BCORL1: variants seen among roughly 807,000 people sequenced by gnomAD.
BCORL1 encodes BCL6 corepressor like 1, also known as BCL-6 corepressor-like protein 1.
Under a neutral mutation model 87.6 loss-of-function variants are expected in BCORL1, and 7 were observed. The observed-to-expected ratio is 0.08, with a 90% CI of 0.05 to 0.15. BCORL1 has a LOEUF of 0.15. Ranked by LOEUF, BCORL1 falls within the 10% of genes least tolerant of loss-of-function variation. The probability of loss-of-function intolerance (pLI) is 1.00; values close to 1 mark genes in which losing one functional copy is unlikely to be tolerated. For synonymous variants in BCORL1, 591 were observed against 634.4 expected (o/e 0.93, Z 1.03); for missense variants, 1,215 against 1,499.7 (o/e 0.81, Z 3.13).
At chrX:130,040,902 G>A (rs1473505514) in intron 11 of BCORL1, among the ~76,000 whole-genome samples, 3 of 111,162 alleles carry the variant, frequency 2.7e-5, no homozygotes, top group Non-Finnish European at 5.7e-5. Context: ...TTGAGAAACC[G>A]GTCTAGTCCC....
intron 8 of BCORL1, among the ~76,000 whole-genome samples, chrX:130,031,111 C>T (rs1449236673): frequency 4.4e-5 from 5 of 113,162 alleles, no homozygotes; most frequent in African/African-American, 1.6e-4. Context: ...CAACTTGCCT[C>T]GCTGCTGCTC....
rs1456548216 is a variant in BCORL1, at chrX:129,991,450, T to A, written c.-45+8688T>A. On this transcript the variant is annotated intron_variant, in intron 1 of 13. Transcript: ENST00000540052. ...ATTTATTTTTGAGACAGGGTCTGGC[T>A]CTGTTGCCTCAGCCTCCTGAGTAGC... is the stretch of plus-strand genomic sequence containing the variant. Among the ~76,000 whole-genome samples, 3 of 109,472 alleles carry A rather than the reference T, an allele frequency of 2.7e-5. No homozygotes were observed. In the East Asian group the frequency reaches 8.6e-4, roughly 31 times the overall value.
At chrX:130,033,918 G>T (rs1331791783) in intron 8 of BCORL1, among the ~76,000 whole-genome samples, 1 of 110,786 alleles carries the variant, frequency 9.0e-6, no homozygotes, top group African/African-American at 3.3e-5. Flanking sequence ...GGAGGCAGAG[G>T]TTGCAGTGAG....
At chrX:130,053,978 A>G (rs766053181) in intron 13 of BCORL1, among the ~76,000 whole-genome samples, 1 of 111,830 alleles carries the variant, frequency 8.9e-6, no homozygotes, top group East Asian at 2.8e-4. Flanking sequence ...GAAATGTTCC[A>G]TTTTAGGGAT....
chrX:130,028,632 C>G lies in BCORL1; in HGVS notation c.4079-3C>G, dbSNP rs1276063003. On this transcript the variant is annotated splice_region_variant and splice_polypyrimidine_tract_variant and intron_variant, in intron 7 of 13. Transcript: ENST00000540052. Reference sequence around the variant, plus strand: ...CCGTTCTTTTCCTGTTTCTTGCCTTCAGATTTAAAGGCCCGTAAGCAGAAG... The same window carrying G: ...CCGTTCTTTTCCTGTTTCTTGCCTTGAGATTTAAAGGCCCGTAAGCAGAAG... The G allele has an allele frequency of 8.3e-7, 1 of 1,199,368 alleles. No individual in the cohort carries two copies. The highest frequency in any genetic ancestry group is 2.2e-5 in the Admixed American group (1 of 45,397).
At chrX:130,044,151 G>A (rs942819481) in intron 11 of BCORL1, among the ~76,000 whole-genome samples, 1 of 109,601 alleles carries the variant, frequency 9.1e-6, no homozygotes, top group Non-Finnish European at 1.9e-5. Context: ...TGATCTACCC[G>A]CCTCAGCCTC....
rs1048092480 is a variant in BCORL1 at position 130,034,509 on chromosome X, G to T, written c.4360G>T (p.Val1454Leu). The change falls in exon 9 of 14, where the codon GTG becomes TTG. Residue 1454 changes from valine (V) to leucine (L), a missense_variant. Physicochemically the swap from Val to Leu is conservative, Grantham distance 32. This residue lies in a region of BCORL1 where 166 missense variants were observed against 196.5 expected (regional missense o/e 0.84). Coordinates refer to ENST00000540052, the MANE Select transcript of BCORL1 (RefSeq NM_001379451.1). ...ACGATCTCCCAAATCTCCCACCCCA[G>T]TGAAACCCACAGAACCATGTACACC... ...KTRSPKSPTPVKPTEPCTPSK... is the reference protein window; with the variant it reads ...KTRSPKSPTPLKPTEPCTPSK... The T allele has an allele frequency of 1.0e-6, 1 of 983,218 alleles. No homozygotes were observed. The allele number at this position is 983,218 out of a possible 1,213,427, so 81.0% of individuals were successfully genotyped here. A position where few individuals can be genotyped will look rare whatever the true frequency, so the allele number is the denominator to read the frequency against.
Position 130,025,356 on chromosome X carries a change from A to C in BCORL1, c.4055A>C (p.Glu1352Ala). The C allele has an allele frequency of 8.7e-7, 1 of 1,152,033 alleles. No homozygotes were observed. The highest frequency in any genetic ancestry group is 1.2e-6 in the Non-Finnish European group (1 of 867,604). 94.9% of individuals were successfully genotyped at this position (1,152,033 alleles called of 1,213,427 possible). The change falls in exon 7 of 14, where the codon GAG becomes GCG. Residue 1352 changes from glutamate to alanine, a missense_variant. Physicochemically the swap from Glu to Ala is moderately radical, Grantham distance 107. Coordinates refer to ENST00000540052, the MANE Select transcript of BCORL1 (RefSeq NM_001379451.1). The part of the protein sequence containing the change: ...TGEYLTEQED[E>A]QRRKGRADLK... ...GAGTACCTGACAGAGCAAGAAGACG[A>C]GCAGCGGCGGAAAGGGAGAGCAGGT...
chrX:130,041,362 C>T lies in BCORL1; in HGVS notation c.4840+2080C>T, dbSNP rs746812346. ...TCTTTCTGTCTCCTCATCCCAACTA[C>T]TAGCTATCTTTTGGTTTTGTTTTGT... On this transcript the variant is annotated intron_variant, in intron 11 of 13. Transcript: ENST00000540052. Among the ~76,000 whole-genome samples the T allele has an allele frequency of 6.4e-5, 7 of 108,888 alleles. No homozygotes were observed. In the East Asian group the frequency reaches 2.0e-3, roughly 31 times the overall value. The allele number at this position is 108,888 out of a possible 115,157, so 94.6% of individuals were successfully genotyped here.
At chrX:130,001,774 A>G (rs746155779) in intron 1 of BCORL1, among the ~76,000 whole-genome samples, 6 of 110,295 alleles carry the variant, frequency 5.4e-5, no homozygotes, top group Admixed American at 4.9e-4. Flanking sequence ...GTTTGAGGCC[A>G]GGTCATGAGG....
At chrX:130,047,708 A>G (rs777762610) in intron 11 of BCORL1, among the ~76,000 whole-genome samples, 50 of 111,666 alleles carry the variant, frequency 4.5e-4, no homozygotes, top group African/African-American at 1.6e-3. Context: ...CATGTTGGTT[A>G]AGCAAGCACT....
At chrX:130,027,756 T>G (rs1930337722) in intron 7 of BCORL1, among the ~76,000 whole-genome samples, 1 of 112,346 alleles carries the variant, frequency 8.9e-6, no homozygotes, top group Non-Finnish European at 1.9e-5. Context: ...CTCCCCATTT[T>G]ACAGATATGG....
At chrX:130,006,456 G>T (rs1462945354) in intron 2 of BCORL1, among the ~76,000 whole-genome samples, 17 of 107,962 alleles carry the variant, frequency 1.6e-4, no homozygotes, top group Non-Finnish European at 3.1e-4. Flanking sequence ...TGCCTCCCGG[G>T]TTCACGCCAT....
In BCORL1 at chrX:130,057,557, C is replaced by T. The variant is rs998982242; in HGVS notation, c.*1421C>T. ...AAAGGCAGGAGGGCCTCGCCGTGGC[C>T]GGCTCTGGTTGGAGATGGTACAGTT... On this transcript the variant is annotated 3_prime_UTR_variant, in exon 14 of 14. Transcript: ENST00000540052. The T allele has an allele frequency of 3.6e-5, 4 of 109,887 alleles. No individual in the cohort carries two copies. The highest frequency in any genetic ancestry group is 1.3e-4 in the African/African-American group (4 of 29,904). The allele number at this position is 109,887 out of a possible 1,213,427, so 9.1% of individuals were successfully genotyped here.
At chrX:130,055,729 C>T in intron 13 of BCORL1, 125 bp from the exon 14 acceptor site, 1 of 757,404 alleles carries the variant, frequency 1.3e-6, no homozygotes, top group African/African-American at 2.1e-5. Flanking sequence ...GCCAGACTGG[C>T]AGTGAGTTAT....
chrX:130,013,642 C>T lies in BCORL1; in HGVS notation c.870C>T (p.Pro290=). The T allele has an allele frequency of 8.3e-7, 1 of 1,211,388 alleles. No individual in the cohort carries two copies. The highest frequency in any genetic ancestry group is 1.1e-6 in the Non-Finnish European group (1 of 895,508). The change falls in exon 4 of 14, where the codon CCC becomes CCT. Residue 290 remains proline (P), a synonymous_variant. Coordinates refer to ENST00000540052, the MANE Select transcript of BCORL1 (RefSeq NM_001379451.1). ...TGGTGCCTGTGCCAGCTTCTGCTCC[C>T]CCTTCAGGCCCGGTTCCCTTGTCGG... ...SVLVPVPASA[P]PSGPVPLSAP... is the part of the protein sequence containing the mutation.
intron 1 of BCORL1, among the ~76,000 whole-genome samples, chrX:129,991,534 G>A (rs1365794029): frequency 9.2e-6 from 1 of 108,271 alleles, no homozygotes; most frequent in Non-Finnish European, 1.9e-5. Flanking sequence ...TAGAGGCAGG[G>A]TCTCCCTGTG....
At chrX:130,021,194 A>T in intron 5 of BCORL1, 44 bp downstream of exon 5, 1 of 1,173,314 alleles carries the variant, frequency 8.5e-7, no homozygotes, top group Non-Finnish European at 1.1e-6. Flanking sequence ...CTGCAGAGGG[A>T]TCCCCAGGGC....
At position 130,013,664 on chromosome X, in the gene BCORL1, T is replaced by C; in HGVS notation, c.892T>C (p.Ser298Pro). 1 of 1,211,506 alleles carries C rather than the reference T, an allele frequency of 8.3e-7. No individual in the cohort carries two copies. Among genetic ancestry groups the C allele is most frequent in the Non-Finnish European group, 1.1e-6 (1 of 895,499 alleles). The change falls in exon 4 of 14, where the codon TCG becomes CCG. Residue 298 changes from serine to proline, a missense_variant. Transcript: ENST00000540052. ...SAPPSGPVPL[S>P]APAPAPLSVP... ...TCCCCCTTCAGGCCCGGTTCCCTTGTCGGCTCCAGCTCCTGCCCCGCTTTC... is the reference window on the plus strand; with the variant it reads ...TCCCCCTTCAGGCCCGGTTCCCTTGCCGGCTCCAGCTCCTGCCCCGCTTTC...
Sources: gnomAD v4.1 joint callset for allele counts (sites outside exome capture counted in the v4.1 genomes callset) on GRCh38, gnomAD v4.1.1 for gene constraint, gnomAD v4.1.1 regional missense constraint, MANE v1.5 for transcripts, NCBI Gene and HGNC (gene_info 2026-07-23, HGNC 2026-07-21) for gene names.